TRPC7: variants seen among roughly 807,000 people sequenced by gnomAD.
TRPC7 encodes the protein short transient receptor potential channel 7.
In TRPC7, 42 loss-of-function variants were observed where a neutral mutation model predicts 90.1. That is an observed-to-expected ratio of 0.47 (90% CI 0.36 to 0.60). The LOEUF (loss-of-function observed/expected upper bound fraction) is 0.60. TRPC7 is among the 20% of genes least tolerant of loss of function. The probability of loss-of-function intolerance (pLI) is 0.00; values close to 1 mark genes in which losing one functional copy is unlikely to be tolerated. For missense variants in TRPC7, 955 were observed against 1,112.3 expected (o/e 0.86, Z 2.01); for synonymous variants, 451 against 436.3 (o/e 1.03, Z -0.42).
chr5:136,275,802 T>G (rs1389832855), intron 3 of TRPC7, among the ~76,000 whole-genome samples: 1 of 152,216 alleles, frequency 6.6e-6, no homozygotes, highest in Admixed American at 6.5e-5. Flanking sequence ...GCAGTCTATT[T>G]ATTTAGTAGA....
rs1353886 is a variant in TRPC7 at position 136,344,907 on chromosome 5, C to T, written c.780+11701G>A. Among the ~76,000 whole-genome samples the T allele has an allele frequency of 2.0e-5, 3 of 152,190 alleles. No individual in the cohort carries two copies. The South Asian group carries it at 6.2e-4, about 32-fold the overall frequency. On this transcript the variant is annotated intron_variant, in intron 2 of 11. Coordinates refer to ENST00000513104, the MANE Select transcript of TRPC7 (RefSeq NM_020389.3). ...GCAATAAACTAAACACATGTGCAAG[C>T]ACACACGCAAAACAACCACCATATT...
At chr5:136,264,265 C>T (rs545530992) in intron 5 of TRPC7, among the ~76,000 whole-genome samples, 7 of 152,298 alleles carry the variant, frequency 4.6e-5, no homozygotes, top group Non-Finnish European at 1.0e-4. Flanking sequence ...TTAATAGCAG[C>T]CACACCTGTT....
At chr5:136,230,160 T>G (rs893094585) in intron 8 of TRPC7, among the ~76,000 whole-genome samples, 1 of 152,242 alleles carries the variant, frequency 6.6e-6, no homozygotes, top group South Asian at 2.1e-4. Flanking sequence ...AACGAACATC[T>G]ACGTAAAATG....
intron 5 of TRPC7, among the ~76,000 whole-genome samples, chr5:136,252,826 A>G (rs1756565626): frequency 6.6e-6 from 1 of 152,162 alleles, no homozygotes; most frequent in African/African-American, 2.4e-5. Flanking sequence ...CCCACCGCTT[A>G]CCTCCTGCTG....
intron 4 of TRPC7, among the ~76,000 whole-genome samples, 184 bp downstream of exon 4, chr5:136,274,489 T>A (rs1165056801): frequency 6.6e-6 from 1 of 152,178 alleles, no homozygotes; most frequent in African/African-American, 2.4e-5. Context: ...AAAAAAAGAT[T>A]TAAAAAAGCA....
chr5:136,256,854 C>A (rs1756701651), intron 5 of TRPC7, among the ~76,000 whole-genome samples: 1 of 152,208 alleles, frequency 6.6e-6, no homozygotes, highest in African/African-American at 2.4e-5. Context: ...GCAGTTCCAC[C>A]CAACCATTTG....
intron 4 of TRPC7, among the ~76,000 whole-genome samples, chr5:136,267,170 G>A (rs1024889178): frequency 6.6e-6 from 1 of 152,140 alleles, no homozygotes; most frequent in Admixed American, 6.5e-5. Context: ...AGCTGGAAAT[G>A]GTCCAAAAGA....
intron 3 of TRPC7, among the ~76,000 whole-genome samples, chr5:136,297,184 T>C (rs755203803): frequency 1.4e-4 from 21 of 152,320 alleles, no homozygotes; most frequent in Middle Eastern, 3.4e-3. Context: ...TTCACCTGAA[T>C]TAGTCTTTCC....
At chr5:136,295,346 G>A (rs996902977) in intron 3 of TRPC7, among the ~76,000 whole-genome samples, 13 of 152,120 alleles carry the variant, frequency 8.5e-5, no homozygotes, top group African/African-American at 3.1e-4. Context: ...ATAATCTGGG[G>A]GAAAATGTAT....
chr5:136,336,737 C>A lies in TRPC7; in HGVS notation c.780+19871G>T, dbSNP rs188125019. On this transcript the variant is annotated intron_variant, in intron 2 of 11. Coordinates refer to ENST00000513104, the MANE Select transcript of TRPC7 (RefSeq NM_020389.3). The stretch of plus-strand genomic sequence containing the variant: ...CCAAGTGTTCTCGTTGTTCAATTCC[C>A]ACCTATGAGTGAGAACATGTGGTAT... Among the ~76,000 whole-genome samples, 189 of 152,216 alleles carry A rather than the reference C, an allele frequency of 1.2e-3. 1 individual carries two copies. The highest frequency in any genetic ancestry group is 4.3e-3 in the African/African-American group (179 of 41,540).
intron 1 of TRPC7, among the ~76,000 whole-genome samples, chr5:136,362,779 T>A (rs1042436406): frequency 1.3e-5 from 2 of 152,182 alleles, no homozygotes; most frequent in African/African-American, 4.8e-5. Context: ...TTTTTGTTTT[T>A]CTGAGTTTCT....
intron 2 of TRPC7, among the ~76,000 whole-genome samples, chr5:136,325,504 G>A (rs1759319123): frequency 6.6e-6 from 1 of 151,984 alleles, no homozygotes; most frequent in African/African-American, 2.4e-5. Flanking sequence ...ATGCTGATGG[G>A]AATTTTCTAG....
intron 2 of TRPC7, among the ~76,000 whole-genome samples, chr5:136,342,338 G>A (rs1759870785): frequency 6.6e-6 from 1 of 152,236 alleles, no homozygotes; most frequent in Admixed American, 6.5e-5. Context: ...TCTGTATTCA[G>A]TTCTGCTGAG....
intron 2 of TRPC7, among the ~76,000 whole-genome samples, chr5:136,316,376 C>CT (rs1759027702): frequency 6.6e-6 from 1 of 152,230 alleles, no homozygotes; most frequent in South Asian, 2.1e-4. Flanking sequence ...CACAGGTGTG[C>CT]TTTTTTGTGT....
chr5:136,315,487 T>A, intron 3 of TRPC7, 110 bp downstream of exon 3: 1 of 1,157,734 alleles, frequency 8.6e-7, no homozygotes, highest in Non-Finnish European at 1.2e-6. Context: ...AATCTGGGTG[T>A]CATCATGGTC....
rs1580945127 is a variant in TRPC7, at chr5:136,315,636, C to T, written c.924G>A (p.Leu308=). Residue 308 remains leucine (L), a synonymous_variant, in exon 3 of 12, where the codon CTG becomes CTA. Transcript: ENST00000513104. ...ATTTAATGGCGAGTTTGATCCGGCT[C>T]AGACTTGGACGGTGGTGGTCGGACC... is the stretch of plus-strand genomic sequence containing the variant. ...QVWSDHHRPS[L]SRIKLAIKYE... is the part of the protein sequence containing the mutation. The T allele has an allele frequency of 6.2e-7, 1 of 1,613,856 alleles. No homozygotes were observed. The highest frequency in any genetic ancestry group is 2.2e-5 in the East Asian group (1 of 44,866).
chr5:136,287,367 T>C (rs975771436), intron 3 of TRPC7, among the ~76,000 whole-genome samples: 1 of 151,506 alleles, frequency 6.6e-6, no homozygotes, highest in Non-Finnish European at 1.5e-5. Context: ...GAGTCCTTGG[T>C]GTTGGAGAGA....
intron 2 of TRPC7, among the ~76,000 whole-genome samples, chr5:136,338,593 C>A (rs1430229700): frequency 6.6e-6 from 1 of 152,158 alleles, no homozygotes; most frequent in Non-Finnish European, 1.5e-5. Flanking sequence ...TATGTTTGAG[C>A]CTGTGACCTT....
At chr5:136,319,374 G>T (rs1759121429) in intron 2 of TRPC7, among the ~76,000 whole-genome samples, 1 of 151,926 alleles carries the variant, frequency 6.6e-6, no homozygotes, top group African/African-American at 2.4e-5. Flanking sequence ...GGCTACTCAA[G>T]GATGTGGCAA....
Sources: allele counts gnomAD v4.1 joint callset (sites outside exome capture counted in the v4.1 genomes callset), GRCh38; gene constraint gnomAD v4.1.1; transcripts MANE v1.5; gene names NCBI Gene and HGNC (gene_info 2026-07-23, HGNC 2026-07-21).